Variants in ADGRA1 observed in about 807,000 individuals in gnomAD.
The protein encoded by ADGRA1 is adhesion G protein-coupled receptor A1.
In ADGRA1, 12 loss-of-function variants were observed where a neutral mutation model predicts 21.3. The observed-to-expected ratio is 0.56, with a 90% CI of 0.36 to 0.91. The LOEUF (loss-of-function observed/expected upper bound fraction) is 0.91. Among genes scored for constraint, ADGRA1 ranks in the 40% least tolerant of loss-of-function variants. ADGRA1 has a pLI of 0.01. For synonymous variants in ADGRA1, 385 were observed against 368.8 expected (o/e 1.04, Z -0.50); for missense variants, 790 against 805.6 (o/e 0.98, Z 0.23).
At chr10:133,126,726 C>T (rs1852381713) in intron 5 of ADGRA1, among the ~76,000 whole-genome samples, 1 of 152,230 alleles carries the variant, frequency 6.6e-6, no homozygotes, top group Non-Finnish European at 1.5e-5. Context: ...GGCGGGGTTC[C>T]TCGGTCTGAC....
intron 5 of ADGRA1, among the ~76,000 whole-genome samples, chr10:133,113,157 AGGTCTGTAAGCCGCGTCGGTTATT>A (rs1852092575): frequency 3.2e-5 from 1 of 30,954 alleles, no homozygotes; most frequent in Non-Finnish European, 6.0e-5. Context: ...CGGTTATTTG[AGGTCTGTAAGCCGCGTCGGTTATT>A]TGAGGTCTGT....
intron 5 of ADGRA1, among the ~76,000 whole-genome samples, chr10:133,117,178 C>A (rs1852174791): frequency 6.6e-6 from 1 of 152,182 alleles, no homozygotes; most frequent in Non-Finnish European, 1.5e-5. Context: ...GAGCCACATG[C>A]TATCTGGTCC....
At chr10:133,089,714 G>A (rs561806246) in intron 2 of ADGRA1, among the ~76,000 whole-genome samples, 2 of 152,264 alleles carry the variant, frequency 1.3e-5, no homozygotes, top group Non-Finnish European at 2.9e-5. Flanking sequence ...GCTGCATAAG[G>A]AGCCATCGGT....
chr10:133,088,903 A>C lies in ADGRA1; in HGVS notation c.-7A>C, dbSNP rs1363707189. The C allele has an allele frequency of 1.7e-5, 21 of 1,241,882 alleles. No homozygotes were observed. The highest frequency in any genetic ancestry group is 2.0e-5 in the Non-Finnish European group (20 of 990,286). The allele number at this position is 1,241,882 out of a possible 1,614,324, so 76.9% of individuals were successfully genotyped here. On this transcript the variant is annotated 5_prime_UTR_variant, in exon 2 of 7. Transcript: ENST00000392607. ...GGCGCTCACGCTTCCGCAACTTTGC[A>C]GCGCTCATGGTGAGTACGGGGGTCC...
chr10:133,111,040 G>T (rs1851980896), intron 5 of ADGRA1, among the ~76,000 whole-genome samples: 1 of 151,620 alleles, frequency 6.6e-6, no homozygotes, highest in Admixed American at 6.6e-5. Flanking sequence ...TGGGCCACCT[G>T]CCCACCAGGG....
chr10:133,121,587 TGTGCCTGTGCGTTTGTGCATGTGA>T (rs1458654642), intron 5 of ADGRA1, among the ~76,000 whole-genome samples: 3 of 140,406 alleles, frequency 2.1e-5, no homozygotes, highest in African/African-American at 5.5e-5. Context: ...TGTGCATGTG[TGTGCCTGTGCGTTTGTGCATGTGA>T]GTGCCTGTGT....
intron 4 of ADGRA1, among the ~76,000 whole-genome samples, chr10:133,099,853 C>T (rs562865677): frequency 1.3e-5 from 2 of 152,332 alleles, no homozygotes; most frequent in South Asian, 2.1e-4. Context: ...GTCCACCCTG[C>T]AGTTTCTGGA....
chr10:133,124,463 C>T (rs1478542468), intron 5 of ADGRA1, among the ~76,000 whole-genome samples: 1 of 152,222 alleles, frequency 6.6e-6, no homozygotes, highest in East Asian at 1.9e-4. Context: ...TGGCCTGACT[C>T]GCGGAAATCA....
chr10:133,111,625 A>C (rs79433313), intron 5 of ADGRA1, among the ~76,000 whole-genome samples: 33 of 1,492 alleles, frequency 0.022, 2 homozygotes, highest in Admixed American at 0.031. Context: ...CCCACCAGAC[A>C]ACCTGCCCAC....
intron 5 of ADGRA1, among the ~76,000 whole-genome samples, chr10:133,121,738 T>C (rs1055994138): frequency 6.9e-6 from 1 of 145,490 alleles, no homozygotes; most frequent in African/African-American, 2.6e-5. Context: ...TGCTTGTGTG[T>C]GTGGTGTGTG....
In ADGRA1 at chr10:133,088,954, G is replaced by A. The variant is rs146508189; in HGVS notation, c.3+42G>A. The A allele has an allele frequency of 6.4e-4, 788 of 1,237,770 alleles. 2 individuals are homozygous for A. The African/African-American group carries it at 0.011, about 18-fold the overall frequency. The allele number at this position is 1,237,770 out of a possible 1,614,324, so 76.7% of individuals were successfully genotyped here. A position where few individuals can be genotyped will look rare whatever the true frequency, so the allele number is the denominator to read the frequency against. On this transcript the variant is annotated intron_variant, in intron 2 of 6. Coordinates refer to ENST00000392607, the MANE Select transcript of ADGRA1 (RefSeq NM_001083909.3). ...CGGGGGTCCTGCAGCTGGGGGCTAGGCCGCTGCGGGGGGGCGGCCACCCGT... is the reference window on the plus strand; with the variant it reads ...CGGGGGTCCTGCAGCTGGGGGCTAGACCGCTGCGGGGGGGCGGCCACCCGT...
rs1227649515 is a variant in ADGRA1, at chr10:133,088,111, GCCCCGGCAGCCGCTTCGGCCA to G, written c.-228_-208del. 1 of 984,994 alleles carries G rather than the reference GCCCCGGCAGCCGCTTCGGCCA, an allele frequency of 1.0e-6. No homozygotes were observed. The highest frequency in any genetic ancestry group is 1.7e-5 in the African/African-American group (1 of 57,298). 61.0% of individuals were successfully genotyped at this position (984,994 alleles called of 1,614,324 possible). A position where few individuals can be genotyped will look rare whatever the true frequency, so the allele number is the denominator to read the frequency against. On this transcript the variant is annotated 5_prime_UTR_variant, in exon 1 of 7. Coordinates refer to ENST00000392607, the MANE Select transcript of ADGRA1 (RefSeq NM_001083909.3). ...CTGTCTCCGGGAGCGCGGCCCGGCC[GCCCCGGCAGCCGCTTCGGCCA>G]CAGCAGGTGGGAAGGACGCGCGGGT...
intron 5 of ADGRA1, among the ~76,000 whole-genome samples, chr10:133,121,775 T>C (rs200693001): frequency 6.9e-6 from 1 of 145,794 alleles, no homozygotes; most frequent in African/African-American, 2.6e-5. Context: ...CAAGTGTGAG[T>C]GTGCGTGTCG....
intron 5 of ADGRA1, among the ~76,000 whole-genome samples, chr10:133,127,010 G>T (rs1450847171): frequency 6.6e-6 from 1 of 152,062 alleles, no homozygotes; most frequent in African/African-American, 2.4e-5. Context: ...ACCTGGTCAG[G>T]GCCCTCTCCA....
At chr10:133,089,701 T>A (rs1334236107) in intron 2 of ADGRA1, among the ~76,000 whole-genome samples, 1 of 152,220 alleles carries the variant, frequency 6.6e-6, no homozygotes, top group African/African-American at 2.4e-5. Context: ...AGACCCAGTG[T>A]TCGCTGCATA....
At chr10:133,120,525 C>A (rs1337194913) in intron 5 of ADGRA1, among the ~76,000 whole-genome samples, 3 of 152,370 alleles carry the variant, frequency 2.0e-5, no homozygotes, top group East Asian at 3.9e-4. Context: ...CTCACCTGCA[C>A]TTTTACGTTA....
At chr10:133,089,316 C>A (rs1054453007) in intron 2 of ADGRA1, among the ~76,000 whole-genome samples, 1 of 152,218 alleles carries the variant, frequency 6.6e-6, no homozygotes, top group Non-Finnish European at 1.5e-5. Flanking sequence ...CGGCCCCTTC[C>A]CATTAGAAAG....
At chr10:133,112,511 T>TGGTTATTTGGGGTCTGCAGGCCGCGTC (rs1330886866) in intron 5 of ADGRA1, among the ~76,000 whole-genome samples, 4 of 74,428 alleles carry the variant, frequency 5.4e-5, no homozygotes, top group African/African-American at 2.1e-4. Flanking sequence ...TAAGCAGTGT[T>TGGTTATTTGGGGTCTGCAGGCCGCGTC]GGTTATTTGG....
At chr10:133,099,843 G>A (rs1418172526) in intron 4 of ADGRA1, among the ~76,000 whole-genome samples, 1 of 152,220 alleles carries the variant, frequency 6.6e-6, no homozygotes, top group Non-Finnish European at 1.5e-5. Context: ...CTTGCCAGGG[G>A]TCCACCCTGC....
Sources: allele counts gnomAD v4.1 joint callset (sites outside exome capture counted in the v4.1 genomes callset), GRCh38; gene constraint gnomAD v4.1.1; transcripts MANE v1.5; gene names NCBI Gene and HGNC (gene_info 2026-07-23, HGNC 2026-07-21).